Variants in MTAP observed in about 807,000 individuals in gnomAD.
MTAP encodes S-methyl-5'-thioadenosine phosphorylase.
A neutral mutation model predicts 33.6 loss-of-function variants in MTAP; 33 were observed. The ratio of observed to expected loss-of-function variants is 0.98; its 90% CI spans 0.74 to 1.31. The LOEUF is 1.31. Ranked by LOEUF, MTAP falls within the 40% of genes most tolerant of loss-of-function variation. The pLI is 0.00. For synonymous variants in MTAP, 148 were observed against 125.7 expected, an observed-to-expected ratio of 1.18 and a Z score of -1.19; for missense variants, 367 against 360.0, an observed-to-expected ratio of 1.02 and a Z score of -0.16.
chr9:21,937,543 T>G (rs1273079041), exon 8 of MTAP: 1 of 152,216 alleles, frequency 6.6e-6, no homozygotes, highest in Non-Finnish European at 1.5e-5. Flanking sequence ...TGCTTCGTGT[T>G]GCCTTTTTTT....
In MTAP at chr9:21,836,117, T is replaced by C. The variant is rs561010092; in HGVS notation, c.348-1791T>C. Among the ~76,000 whole-genome samples, 8 of 152,274 alleles carry C rather than the reference T, an allele frequency of 5.3e-5. No homozygotes were observed. The South Asian group carries it at 1.5e-3, about 28-fold the overall frequency. Reference sequence around the variant, plus strand: ...CACACTTGTGAGCTGCTATGAGTTATCTGGGCATCTTGGTTGACTTAATCT... The same window carrying C: ...CACACTTGTGAGCTGCTATGAGTTACCTGGGCATCTTGGTTGACTTAATCT... On this transcript the variant is annotated intron_variant, in intron 4 of 7. Transcript: ENST00000644715.
At chr9:21,856,540 A>G (rs1011156380) in intron 6 of MTAP, among the ~76,000 whole-genome samples, 2 of 152,130 alleles carry the variant, frequency 1.3e-5, no homozygotes, top group African/African-American at 4.8e-5. Context: ...CCCCTGCCAC[A>G]CCCTGAGAGC....
chr9:21,933,331 C>T (rs1818992904), downstream of MTAP: 1 of 152,150 alleles, frequency 6.6e-6, no homozygotes, highest in Non-Finnish European at 1.5e-5. Context: ...AAGGAAGTCT[C>T]CATTTATAAG....
At chr9:21,807,199 A>G (rs1266371228) in intron 1 of MTAP, among the ~76,000 whole-genome samples, 1 of 152,158 alleles carries the variant, frequency 6.6e-6, no homozygotes, top group East Asian at 1.9e-4. Flanking sequence ...CTTGTTAATC[A>G]TGGTTGCTGT....
chr9:21,884,640 C>T lies in MTAP; in HGVS notation c.147+29770C>T, dbSNP rs905552148. On this transcript the variant is annotated intron_variant, in intron 1 of 1. Coordinates refer to the MTAP transcript ENST00000577563. ...TGGCTTGTAGACTTCTTGCTGTAGC[C>T]TCACATGGCCGCTAGTGAACTCTAG... Among the ~76,000 whole-genome samples, 3 of 152,252 alleles carry T rather than the reference C, an allele frequency of 2.0e-5. No homozygotes were observed. In the East Asian group the frequency reaches 5.8e-4, roughly 29 times the overall value.
chr9:21,928,562 T>A (rs1330551159), intron 1 of MTAP, among the ~76,000 whole-genome samples: 2 of 152,114 alleles, frequency 1.3e-5, no homozygotes, highest in African/African-American at 4.8e-5. Context: ...AGGAACTCAT[T>A]CCCTGCTTTG....
At chr9:21,832,525 G>C (rs1337345723) in intron 4 of MTAP, among the ~76,000 whole-genome samples, 1 of 152,126 alleles carries the variant, frequency 6.6e-6, no homozygotes, top group African/African-American at 2.4e-5. Context: ...CCTTTATAGA[G>C]AAGACAGAAA....
chr9:21,837,540 A>C (rs1825140736), intron 4 of MTAP, among the ~76,000 whole-genome samples: 1 of 152,230 alleles, frequency 6.6e-6, no homozygotes, highest in Non-Finnish European at 1.5e-5. Context: ...TATGGTGTTA[A>C]GTATATGATT....
chr9:21,814,441 C>G (rs983322861), intron 1 of MTAP, among the ~76,000 whole-genome samples: 1 of 152,166 alleles, frequency 6.6e-6, no homozygotes, highest in African/African-American at 2.4e-5. Flanking sequence ...GGTCACTTCG[C>G]ATTAATTAGG....
intron 1 of MTAP, among the ~76,000 whole-genome samples, chr9:21,905,297 A>G (rs1453035461): frequency 6.6e-6 from 1 of 152,102 alleles, no homozygotes; most frequent in Non-Finnish European, 1.5e-5. Context: ...GGAGTGTCTT[A>G]GCGTCCAGTT....
chr9:21,933,739 A>C (rs1450314533), downstream of MTAP: 1 of 152,174 alleles, frequency 6.6e-6, no homozygotes, highest in Non-Finnish European at 1.5e-5. Flanking sequence ...GCACATGGCT[A>C]CAGTTTTCAA....
rs1165296194 is a variant in MTAP, at chr9:21,864,261, A to C, written c.*2247A>C. The stretch of plus-strand genomic sequence containing the variant: ...TTCTCAATCATTCACTCCTTATGCA[A>C]AGCCAATATAATTTTCCTCATACCT... On this transcript the variant is annotated 3_prime_UTR_variant, in exon 8 of 8. Transcript: ENST00000644715. The C allele has an allele frequency of 2.0e-6, 2 of 985,304 alleles. No homozygotes were observed. The highest frequency in any genetic ancestry group is 3.5e-5 in the African/African-American group (2 of 57,218). The allele number at this position is 985,304 out of a possible 1,614,324, so 61.0% of individuals were successfully genotyped here. A position where few individuals can be genotyped will look rare whatever the true frequency, so the allele number is the denominator to read the frequency against.
intron 1 of MTAP, chr9:21,892,267 A>G (rs1212609301): frequency 6.6e-6 from 1 of 152,228 alleles, no homozygotes; most frequent in Non-Finnish European, 1.5e-5. Flanking sequence ...ATCTGCACAT[A>G]GTAATATTAA....
chr9:21,855,602 G>T (rs1825624175), intron 6 of MTAP, among the ~76,000 whole-genome samples: 2 of 152,138 alleles, frequency 1.3e-5, no homozygotes, highest in East Asian at 1.9e-4. Flanking sequence ...ACAGACCATG[G>T]TAAGGGTTTC....
At chr9:21,849,928 T>C (rs1825471973) in intron 5 of MTAP, among the ~76,000 whole-genome samples, 1 of 152,254 alleles carries the variant, frequency 6.6e-6, no homozygotes, top group Admixed American at 6.5e-5. Context: ...TTTCTCTATA[T>C]CTGTCCATAA....
intron 1 of MTAP, among the ~76,000 whole-genome samples, chr9:21,874,363 A>G (rs942118939): frequency 1.3e-5 from 2 of 152,222 alleles, no homozygotes; most frequent in African/African-American, 4.8e-5. Context: ...TGACTATTCA[A>G]AATTTCAAAT....
At chr9:21,892,732 A>G (rs1818219848) in intron 1 of MTAP, 1 of 152,220 alleles carries the variant, frequency 6.6e-6, no homozygotes, top group African/African-American at 2.4e-5. Flanking sequence ...GCAGAGAATT[A>G]ACAAAGATAT....
intron 1 of MTAP, among the ~76,000 whole-genome samples, chr9:21,896,132 G>T (rs1381148578): frequency 6.6e-6 from 1 of 152,168 alleles, no homozygotes; most frequent in Non-Finnish European, 1.5e-5. Flanking sequence ...CAACTACATG[G>T]AAACTGAACA....
chr9:21,844,917 A>G (rs994815358), intron 5 of MTAP, among the ~76,000 whole-genome samples: 9 of 152,210 alleles, frequency 5.9e-5, no homozygotes, highest in Admixed American at 4.6e-4. Flanking sequence ...CTGTAGTCCC[A>G]GCTACTCGGG....
Sources: allele counts gnomAD v4.1 joint callset (sites outside exome capture counted in the v4.1 genomes callset), GRCh38; gene constraint gnomAD v4.1.1; transcripts MANE v1.5; gene names NCBI Gene and HGNC (gene_info 2026-07-23, HGNC 2026-07-21).